POLN: variants seen among roughly 807,000 people sequenced by gnomAD.
POLN encodes DNA polymerase nu.
POLN carries 108 observed loss-of-function variants against 113.5 expected under a neutral mutation model. The ratio of observed to expected loss-of-function variants is 0.95; its 90% confidence interval spans 0.81 to 1.12. POLN has a LOEUF of 1.12. POLN is among the 50% of genes most tolerant of loss of function. The pLI, the probability that POLN is intolerant of heterozygous loss-of-function variation, is 0.00. For synonymous variants in POLN, 386 were observed against 391.5 expected (o/e 0.99, Z 0.17); for missense variants, 1,097 against 1,077.1 (o/e 1.02, Z -0.26).
chr4:2,231,947 C>T (rs370235130), intron 2 of POLN: 57 of 1,386,520 alleles, frequency 4.1e-5, no homozygotes, highest in Non-Finnish European at 9.1e-6. Context: ...AGACTAACAG[C>T]CTTAATCTTT....
At chr4:2,193,397 T>A in intron 6 of POLN, 81 bp from the exon 7 acceptor site, 1 of 849,658 alleles carries the variant, frequency 1.2e-6, no homozygotes, top group Non-Finnish European at 1.8e-6. Context: ...ACTACTCAAC[T>A]AACAGCTATC....
intron 20 of POLN, chr4:2,090,484 C>T (rs906346064): frequency 2.4e-5 from 13 of 533,532 alleles, no homozygotes; most frequent in South Asian, 5.5e-5. Context: ...AGGTTTGTCA[C>T]GCTGTGAATA....
chr4:2,208,164 A>G lies in POLN; in HGVS notation c.537T>C (p.Asp179=). The part of the protein sequence containing the change: ...SKQMALEEDT[D]DAEGYLNSGN... ...CAGAATTTAGGTAGCCTTCGGCGTC[A>G]TCAGTATCTTCTTCCAATGCCATTT... Residue 179 remains aspartate, a synonymous_variant, in exon 5 of 26, where the codon GAT becomes GAC. Coordinates refer to ENST00000511885, the MANE Select transcript of POLN (RefSeq NM_181808.4). 1.2e-6 allele frequency: 2 copies of G among 1,614,072 alleles called. No individual in the cohort carries two copies. Among genetic ancestry groups the G allele is most frequent in the Non-Finnish European group, 1.7e-6 (2 of 1,179,930 alleles).
chr4:2,200,468 C>T (rs575190059), intron 5 of POLN, among the ~76,000 whole-genome samples: 1 of 152,328 alleles, frequency 6.6e-6, no homozygotes, highest in African/African-American at 2.4e-5. Context: ...ATTGCTCCTG[C>T]TCCCAGGAGA....
intron 3 of POLN, among the ~76,000 whole-genome samples, chr4:2,213,964 G>A (rs1734053774): frequency 6.6e-6 from 1 of 152,188 alleles, no homozygotes; most frequent in African/African-American, 2.4e-5. Flanking sequence ...GGCCGGGCGT[G>A]GTGACTCACG....
At chr4:2,072,684 G>A (rs944526199) in intron 25 of POLN, among the ~76,000 whole-genome samples, 3 of 152,154 alleles carry the variant, frequency 2.0e-5, no homozygotes, top group African/African-American at 7.2e-5. Flanking sequence ...GGCCAGGAGA[G>A]CCCTCCCGGG....
At chr4:2,205,692 G>A (rs1733823987) in intron 5 of POLN, among the ~76,000 whole-genome samples, 1 of 152,044 alleles carries the variant, frequency 6.6e-6, no homozygotes. Context: ...GGTCAATATG[G>A]TGAAACCTCG....
chr4:2,208,222 G>T lies in POLN; in HGVS notation c.479C>A (p.Thr160Lys), dbSNP rs1172076269. ...GSINLKRKHI[T>K]YNNLSEKTSK... ...TGTTTTCTCTGACAAATTATTATAT[G>T]TAATATGTTTTCTTTTAAGATTAAT... Residue 160 changes from threonine (T) to lysine (K), a missense_variant, in exon 5 of 26, where the codon ACA becomes AAA. Physicochemically the swap from Thr to Lys is moderately conservative, Grantham distance 78. Coordinates refer to ENST00000511885, the MANE Select transcript of POLN (RefSeq NM_181808.4). 2 of 1,589,138 alleles carry T rather than the reference G, an allele frequency of 1.3e-6. No individual in the cohort carries two copies. Among genetic ancestry groups the T allele is most frequent in the Admixed American group, 3.4e-5 (2 of 59,634 alleles).
At chr4:2,084,419 C>T (rs370516051) in intron 21 of POLN, among the ~76,000 whole-genome samples, 13 of 152,340 alleles carry the variant, frequency 8.5e-5, no homozygotes, top group East Asian at 5.8e-4. Context: ...CAGACCTGGA[C>T]GCCACCTTCC....
At chr4:2,220,776 G>A (rs550411194) in intron 3 of POLN, among the ~76,000 whole-genome samples, 7 of 152,194 alleles carry the variant, frequency 4.6e-5, no homozygotes, top group African/African-American at 1.4e-4. Flanking sequence ...AGTACTTTTC[G>A]ACAGGGTTAT....
chr4:2,079,865 G>A (rs1160317689), intron 23 of POLN: 27 of 985,156 alleles, frequency 2.7e-5, no homozygotes, highest in Admixed American at 6.1e-5. Context: ...GATTACAGGC[G>A]TGAGCCACTG....
chr4:2,156,519 T>A, intron 16 of POLN: 1 of 583,190 alleles, frequency 1.7e-6, no homozygotes. Context: ...GAAGATGGGG[T>A]ACGGGTGTCC....
intron 22 of POLN, 100 bp from the exon 23 acceptor site, chr4:2,081,136 C>G: frequency 6.2e-7 from 1 of 1,603,490 alleles, no homozygotes; most frequent in East Asian, 2.2e-5. Flanking sequence ...TACCTCCACA[C>G]AGAGGTGCTG....
intron 3 of POLN, among the ~76,000 whole-genome samples, chr4:2,222,613 G>A (rs1290618379): frequency 6.6e-6 from 1 of 152,020 alleles, no homozygotes; most frequent in Non-Finnish European, 1.5e-5. Flanking sequence ...TTGGGTCTAC[G>A]GCTACAGGCT....
At position 2,099,669 on chromosome 4, in the gene POLN, G is replaced by A. The variant is rs981276757; in HGVS notation, c.1983-3736C>T. On this transcript the variant is annotated intron_variant, in intron 19 of 25. Transcript: ENST00000511885. ...GAAAGACTGAGGAAATCCAAGTCAT[G>A]TGTGGACTTTAGTTTATAATAACAT... is the stretch of plus-strand genomic sequence containing the variant. 5.9e-5 allele frequency among the ~76,000 whole-genome samples: 9 copies of A among 152,294 alleles called. 1 individual carries two copies. Among genetic ancestry groups the A allele is most frequent in the Admixed American group, 5.2e-4 (8 of 15,304 alleles).
At chr4:2,228,348 CTTTTT>C (rs531222767) in intron 3 of POLN, 180 of 187,726 alleles carry the variant, frequency 9.6e-4, no homozygotes, top group South Asian at 2.3e-3. Flanking sequence ...ACTGCTTTCA[CTTTTT>C]TTTTTTTTTT....
At chr4:2,232,759 A>C (rs1175593086) in intron 2 of POLN, among the ~76,000 whole-genome samples, 1 of 152,208 alleles carries the variant, frequency 6.6e-6, no homozygotes, top group Non-Finnish European at 1.5e-5. Flanking sequence ...TTATTACAGT[A>C]AATTCAAATT....
chr4:2,207,524 T>C (rs567281143), intron 5 of POLN, among the ~76,000 whole-genome samples: 48 of 152,054 alleles, frequency 3.2e-4, no homozygotes, highest in African/African-American at 1.1e-3. Context: ...TCAGAATATA[T>C]AAAGATCCAG....
intron 13 of POLN, among the ~76,000 whole-genome samples, chr4:2,165,467 C>T (rs772334430): frequency 1.3e-5 from 2 of 152,258 alleles, no homozygotes; most frequent in East Asian, 1.9e-4. Context: ...AGGGCAGTGG[C>T]GCTGCTCTGT....
Sources: allele counts gnomAD v4.1 joint callset (sites outside exome capture counted in the v4.1 genomes callset), GRCh38; gene constraint gnomAD v4.1.1; transcripts MANE v1.5; gene names NCBI Gene and HGNC (gene_info 2026-07-23, HGNC 2026-07-21).